BBS9: variants seen among roughly 807,000 people sequenced by gnomAD.
BBS9 encodes the protein Bardet-Biedl syndrome 9.
BBS9 carries 89 observed loss-of-function variants against 117.7 expected under a neutral mutation model. That is an observed-to-expected ratio of 0.76 (90% CI 0.64 to 0.90). The LOEUF (loss-of-function observed/expected upper bound fraction) is 0.90, where lower values mean the gene tolerates loss of function less well. Among genes scored for constraint, BBS9 ranks in the 40% least tolerant of loss-of-function variants. BBS9 has a pLI of 0.00. For synonymous variants in BBS9, 379 were observed against 370.9 expected, an observed-to-expected ratio of 1.02 and a Z score of -0.25; for missense variants, 982 against 1,042.2, an observed-to-expected ratio of 0.94 and a Z score of 0.80.
At chr7:33,497,961 A>G (rs1844950961) in intron 19 of BBS9, among the ~76,000 whole-genome samples, 1 of 152,188 alleles carries the variant, frequency 6.6e-6, no homozygotes, top group Non-Finnish European at 1.5e-5. Flanking sequence ...CTAAATTGAA[A>G]TGAGCCCTAA....
intron 16 of BBS9, among the ~76,000 whole-genome samples, chr7:33,364,904 T>C (rs947648739): frequency 2.0e-5 from 3 of 151,056 alleles, no homozygotes; most frequent in African/African-American, 7.3e-5. Flanking sequence ...AATTTTCTTA[T>C]TTTTTGTAGA....
intron 5 of BBS9, among the ~76,000 whole-genome samples, chr7:33,202,323 T>C (rs1212384930): frequency 6.6e-6 from 1 of 152,226 alleles, no homozygotes; most frequent in Non-Finnish European, 1.5e-5. Flanking sequence ...ACTTCTTCTA[T>C]ATGAGCATTT....
intron 21 of BBS9, among the ~76,000 whole-genome samples, chr7:33,624,801 G>T (rs1437756039): frequency 6.6e-6 from 1 of 152,186 alleles, no homozygotes; most frequent in African/African-American, 2.4e-5. Flanking sequence ...GAAATAACAG[G>T]TGTAAAATAG....
At chr7:33,381,529 C>A (rs186503617) in intron 17 of BBS9, among the ~76,000 whole-genome samples, 2 of 152,210 alleles carry the variant, frequency 1.3e-5, no homozygotes, top group African/African-American at 4.8e-5. Flanking sequence ...GGTTCTTATA[C>A]GGTACTTTAT....
chr7:33,462,538 A>G (rs576014599), intron 19 of BBS9, among the ~76,000 whole-genome samples: 1 of 152,216 alleles, frequency 6.6e-6, no homozygotes, highest in South Asian at 2.1e-4. Flanking sequence ...CAGTAGATTG[A>G]CTTGGAAAAT....
intron 19 of BBS9, among the ~76,000 whole-genome samples, chr7:33,465,145 T>C (rs1234040160): frequency 6.6e-6 from 1 of 152,016 alleles, no homozygotes; most frequent in Non-Finnish European, 1.5e-5. Context: ...CTCAGTTGTT[T>C]TGCAGCATGT....
intron 21 of BBS9, among the ~76,000 whole-genome samples, chr7:33,577,362 A>G (rs535362303): frequency 6.6e-6 from 1 of 152,336 alleles, no homozygotes; most frequent in East Asian, 1.9e-4. Flanking sequence ...ATACCATCTC[A>G]CGCCAGTTAG....
chr7:33,315,035 T>G (rs1810184489), intron 9 of BBS9, among the ~76,000 whole-genome samples: 1 of 152,218 alleles, frequency 6.6e-6, no homozygotes, highest in Non-Finnish European at 1.5e-5. Context: ...TTCTATGGGT[T>G]AATTTTGGGC....
At chr7:33,399,959 G>A (rs945603154) in intron 19 of BBS9, among the ~76,000 whole-genome samples, 5 of 152,154 alleles carry the variant, frequency 3.3e-5, no homozygotes, top group Admixed American at 1.3e-4. Context: ...TAACCATCTG[G>A]TATGCTTTAC....
chr7:33,373,094 T>C (rs1413468793), intron 17 of BBS9, among the ~76,000 whole-genome samples: 1 of 152,152 alleles, frequency 6.6e-6, no homozygotes, highest in Non-Finnish European at 1.5e-5. Context: ...CTTTGTTTTG[T>C]TGATCTTTTG....
At chr7:33,540,951 T>A (rs536210154) in intron 21 of BBS9, among the ~76,000 whole-genome samples, 17 of 152,368 alleles carry the variant, frequency 1.1e-4, no homozygotes, top group Admixed American at 3.9e-4. Context: ...TCCATTTTAC[T>A]ACTTTGCAGC....
chr7:33,487,692 T>G (rs1289037804), intron 19 of BBS9, among the ~76,000 whole-genome samples: 1 of 152,152 alleles, frequency 6.6e-6, no homozygotes, highest in Non-Finnish European at 1.5e-5. Context: ...ATGCTCACAT[T>G]TTGGGGCCTC....
chr7:33,204,525 G>C (rs1786541657), intron 5 of BBS9, among the ~76,000 whole-genome samples: 1 of 152,028 alleles, frequency 6.6e-6, no homozygotes, highest in Non-Finnish European at 1.5e-5. Flanking sequence ...TCACTTCTAA[G>C]GTGAAGGGAC....
At chr7:33,411,377 C>T (rs1310462667) in intron 19 of BBS9, among the ~76,000 whole-genome samples, 1 of 152,122 alleles carries the variant, frequency 6.6e-6, no homozygotes, top group Non-Finnish European at 1.5e-5. Context: ...AACACTCTTG[C>T]TTGTCCACAA....
chr7:33,515,907 C>G (rs1174412826), intron 20 of BBS9, among the ~76,000 whole-genome samples: 2 of 152,248 alleles, frequency 1.3e-5, no homozygotes, highest in African/African-American at 2.4e-5. Context: ...ATACTTCTAA[C>G]TACACTATTT....
intron 9 of BBS9, among the ~76,000 whole-genome samples, chr7:33,300,922 G>T (rs1278238624): frequency 6.6e-6 from 1 of 151,974 alleles, no homozygotes; most frequent in African/African-American, 2.4e-5. Context: ...ATTTTTTGAA[G>T]GATATTTTTG....
At chr7:33,402,901 A>G (rs922585839) in intron 19 of BBS9, among the ~76,000 whole-genome samples, 5 of 151,870 alleles carry the variant, frequency 3.3e-5, no homozygotes, top group Non-Finnish European at 4.4e-5. Context: ...CTTTATGTCC[A>G]TATGTACCCA....
intron 19 of BBS9, among the ~76,000 whole-genome samples, chr7:33,464,970 C>T (rs1423880494): frequency 6.6e-6 from 1 of 151,992 alleles, no homozygotes. Context: ...GGACTACAGA[C>T]GCGTGCCACC....
intron 5 of BBS9, among the ~76,000 whole-genome samples, chr7:33,183,365 A>G (rs1798354271): frequency 6.6e-6 from 1 of 152,126 alleles, no homozygotes; most frequent in Admixed American, 6.5e-5. Flanking sequence ...AGAAAAACAC[A>G]ATCCACGAAG....
Sources: allele counts gnomAD v4.1 joint callset (sites outside exome capture counted in the v4.1 genomes callset), GRCh38; gene constraint gnomAD v4.1.1; transcripts MANE v1.5; gene names NCBI Gene and HGNC (gene_info 2026-07-23, HGNC 2026-07-21).